PRKAG2: variants seen among roughly 807,000 people sequenced by gnomAD.
PRKAG2 encodes protein kinase AMP-activated non-catalytic subunit gamma 2.
A neutral mutation model predicts 69.6 loss-of-function variants in PRKAG2; 26 were observed. That is an observed-to-expected ratio of 0.37 (90% CI 0.27 to 0.52). PRKAG2 has a LOEUF of 0.52. PRKAG2 is among the 20% of genes least tolerant of loss of function. The probability of loss-of-function intolerance (pLI) is 0.90; values close to 1 mark genes in which losing one functional copy is unlikely to be tolerated. For missense variants in PRKAG2, 557 were observed against 740.0 expected, an observed-to-expected ratio of 0.75 and a Z score of 2.87; for synonymous variants, 293 against 285.0, an observed-to-expected ratio of 1.03 and a Z score of -0.28.
At chr7:151,595,086 C>G (rs566198702) in intron 6 of PRKAG2, among the ~76,000 whole-genome samples, 4 of 152,332 alleles carry the variant, frequency 2.6e-5, no homozygotes, top group Non-Finnish European at 5.9e-5. Context: ...ACGTGAGCCA[C>G]TGCACCTGGC....
At chr7:151,670,287 C>T (rs536117180) in intron 4 of PRKAG2, among the ~76,000 whole-genome samples, 63 of 152,306 alleles carry the variant, frequency 4.1e-4, no homozygotes, top group Non-Finnish European at 7.6e-4. Flanking sequence ...GGAATCACCC[C>T]TGATTTGTCT....
intron 1 of PRKAG2, among the ~76,000 whole-genome samples, chr7:151,876,250 C>G (rs1215665018): frequency 6.6e-6 from 1 of 151,352 alleles, no homozygotes. Flanking sequence ...CGCCCGGCGC[C>G]CCCTCTAGTC....
rs1803909426 is a variant in PRKAG2 at position 151,557,104 on chromosome 7, T to C, written c.*97A>G. On this transcript the variant is annotated 3_prime_UTR_variant, in exon 16 of 16. Coordinates refer to ENST00000287878, the MANE Select transcript of PRKAG2 (RefSeq NM_016203.4). ...AAATACCTATTGTTAAACCCTGATATACATTCTTAACCACTTGCAGCCAGT... is the reference window on the plus strand; with the variant it reads ...AAATACCTATTGTTAAACCCTGATACACATTCTTAACCACTTGCAGCCAGT... 6.4e-7 allele frequency: 1 copy of C among 1,569,408 alleles called. No individual in the cohort carries two copies. Among genetic ancestry groups the C allele is most frequent in the Admixed American group, 1.7e-5 (1 of 59,892 alleles).
At chr7:151,808,229 G>C (rs1212928020) in intron 1 of PRKAG2, among the ~76,000 whole-genome samples, 1 of 152,194 alleles carries the variant, frequency 6.6e-6, no homozygotes, top group African/African-American at 2.4e-5. Context: ...CTAGTTTGTC[G>C]ACAGTATTCC....
chr7:151,802,682 T>A (rs1453241849), intron 1 of PRKAG2, among the ~76,000 whole-genome samples: 4 of 152,188 alleles, frequency 2.6e-5, no homozygotes, highest in Non-Finnish European at 5.9e-5. Flanking sequence ...ACCTGCTGGC[T>A]GAAACCTTCA....
Position 151,773,023 on chromosome 7 carries a change from A to G in PRKAG2, c.466+8129T>C, listed in dbSNP as rs529888561. On this transcript the variant is annotated intron_variant, in intron 3 of 15. Coordinates refer to ENST00000287878, the MANE Select transcript of PRKAG2 (RefSeq NM_016203.4). ...AAAGAAAGAAAGAAAGAAAGAAAGAAAGAGAGAGAGAGAGAGAGAGAGAGA... is the reference window on the plus strand; with the variant it reads ...AAAGAAAGAAAGAAAGAAAGAAAGAGAGAGAGAGAGAGAGAGAGAGAGAGA... Among the ~76,000 whole-genome samples the G allele has an allele frequency of 1.1e-3, 59 of 55,082 alleles. 1 individual carries two copies. The highest frequency in any genetic ancestry group is 3.0e-3 in the East Asian group (4 of 1,332). 36.1% of individuals were successfully genotyped at this position (55,082 alleles called of 152,430 possible).
At chr7:151,786,845 G>T (rs536368189) in intron 1 of PRKAG2, among the ~76,000 whole-genome samples, 1 of 152,210 alleles carries the variant, frequency 6.6e-6, no homozygotes, top group Non-Finnish European at 1.5e-5. Context: ...AAAGGGTGGA[G>T]GGAGGAGAGC....
intron 5 of PRKAG2, among the ~76,000 whole-genome samples, chr7:151,620,978 A>G (rs1821358772): frequency 6.6e-6 from 1 of 152,176 alleles, no homozygotes; most frequent in Non-Finnish European, 1.5e-5. Flanking sequence ...TTGGCCTCCC[A>G]AAGGCCTGGG....
At chr7:151,597,305 C>T (rs1814794745) in intron 5 of PRKAG2, among the ~76,000 whole-genome samples, 1 of 152,180 alleles carries the variant, frequency 6.6e-6, no homozygotes, top group African/African-American at 2.4e-5. Context: ...AAATCTACGA[C>T]CCAAACTACG....
chr7:151,754,058 G>T (rs2074898533), intron 3 of PRKAG2, among the ~76,000 whole-genome samples: 2 of 152,214 alleles, frequency 1.3e-5, no homozygotes, highest in South Asian at 4.1e-4. Context: ...TGTGTGTTAA[G>T]TAAGAGCATG....
chr7:151,746,196 T>C (rs949121946), intron 3 of PRKAG2, among the ~76,000 whole-genome samples: 2 of 152,244 alleles, frequency 1.3e-5, no homozygotes, highest in Non-Finnish European at 1.5e-5. Context: ...CTCTCACTTC[T>C]AGGCGATGGG....
chr7:151,869,860 C>T (rs1314612378), intron 1 of PRKAG2, among the ~76,000 whole-genome samples: 1 of 152,212 alleles, frequency 6.6e-6, no homozygotes, highest in Non-Finnish European at 1.5e-5. Flanking sequence ...AGCTTGACTA[C>T]TGAAGGTTCC....
intron 3 of PRKAG2, among the ~76,000 whole-genome samples, chr7:151,693,472 A>G (rs1458301113): frequency 6.6e-6 from 1 of 152,192 alleles, no homozygotes; most frequent in African/African-American, 2.4e-5. Flanking sequence ...TAGGCCCACG[A>G]GAGGGTTCTA....
At chr7:151,809,229 C>G (rs1447542817) in intron 1 of PRKAG2, 1 of 456,698 alleles carries the variant, frequency 2.2e-6, no homozygotes, top group Admixed American at 2.3e-5. Context: ...GGAATCTGAG[C>G]AATTCTGCTT....
At chr7:151,731,792 C>T (rs1219833864) in intron 3 of PRKAG2, among the ~76,000 whole-genome samples, 3 of 152,148 alleles carry the variant, frequency 2.0e-5, no homozygotes, top group African/African-American at 4.8e-5. Flanking sequence ...ACAGGGATTT[C>T]ATGACCCTCA....
At chr7:151,802,353 C>T (rs1178030855) in intron 1 of PRKAG2, among the ~76,000 whole-genome samples, 1 of 152,180 alleles carries the variant, frequency 6.6e-6, no homozygotes, top group Non-Finnish European at 1.5e-5. Context: ...TGCCACGTCT[C>T]AGGTCTTCGT....
At chr7:151,808,594 G>A (rs1385648805) in intron 1 of PRKAG2, among the ~76,000 whole-genome samples, 1 of 152,092 alleles carries the variant, frequency 6.6e-6, no homozygotes, top group Non-Finnish European at 1.5e-5. Flanking sequence ...CAGGTTGTTG[G>A]GGGGGCTTGA....
chr7:151,867,614 G>T (rs1255650478), intron 1 of PRKAG2, among the ~76,000 whole-genome samples: 1 of 152,166 alleles, frequency 6.6e-6, no homozygotes, highest in East Asian at 1.9e-4. Context: ...TCTCAAAGAA[G>T]GTCCCATTCA....
intron 3 of PRKAG2, among the ~76,000 whole-genome samples, chr7:151,715,357 A>T (rs375135094): frequency 1.4e-3 from 155 of 111,888 alleles, no homozygotes; most frequent in African/African-American, 4.0e-3. Context: ...AATTATTATT[A>T]TTTTTTTTGA....
Sources: gnomAD v4.1 joint callset for allele counts (sites outside exome capture counted in the v4.1 genomes callset) on GRCh38, gnomAD v4.1.1 for gene constraint, MANE v1.5 for transcripts, NCBI Gene and HGNC (gene_info 2026-07-23, HGNC 2026-07-21) for gene names.